The following TMPRSS7 variants were observed in gnomAD, a reference collection of about 807,000 sequenced individuals.
TMPRSS7 encodes the protein transmembrane serine protease 7.
TMPRSS7 carries 81 observed loss-of-function variants against 95.6 expected under a neutral mutation model. That is an observed-to-expected ratio of 0.85 (90% CI 0.71 to 1.02). TMPRSS7 has a LOEUF of 1.02. TMPRSS7 is among the 50% of genes least tolerant of loss of function. TMPRSS7 has a pLI of 0.00. For synonymous variants in TMPRSS7, 364 were observed against 337.8 expected, an observed-to-expected ratio of 1.08 and a Z score of -0.85; for missense variants, 945 against 955.2, an observed-to-expected ratio of 0.99 and a Z score of 0.14.
At chr3:112,049,459 C>T (rs765893076) in intron 7 of TMPRSS7, among the ~76,000 whole-genome samples, 13 of 152,156 alleles carry the variant, frequency 8.5e-5, no homozygotes, top group Non-Finnish European at 1.5e-4. Context: ...GAAACTGGTG[C>T]TTACAAAGAT....
intron 5 of TMPRSS7, 147 bp downstream of exon 5, chr3:112,046,090 CTA>C: frequency 2.8e-6 from 2 of 714,526 alleles, no homozygotes; most frequent in Non-Finnish European, 4.6e-6. Context: ...GACATTGGAG[CTA>C]TGTTAGTAAA....
At chr3:112,051,696 TCTATTAC>T (rs2073361240) in intron 9 of TMPRSS7, among the ~76,000 whole-genome samples, 1 of 136,086 alleles carries the variant, frequency 7.3e-6, no homozygotes, top group Non-Finnish European at 1.6e-5. Flanking sequence ...TCTATCTATC[TCTATTAC>T]CTATCTATCT....
chr3:112,078,639 A>T, intron 16 of TMPRSS7, 103 bp from the exon 17 acceptor site: 1 of 1,433,936 alleles, frequency 7.0e-7, no homozygotes, highest in Non-Finnish European at 9.6e-7. Flanking sequence ...AATTGCCGCT[A>T]TGAGGGTAAA....
exon 3 of TMPRSS7, chr3:112,041,933 C>T: frequency 6.5e-7 from 1 of 1,548,664 alleles, no homozygotes; most frequent in Non-Finnish European, 8.7e-7. Flanking sequence ...AAACAGAAAG[C>T]AAAGATGCTT....
At chr3:112,062,038 C>T (rs2073515075) in intron 11 of TMPRSS7, 115 bp downstream of exon 11, 5 of 548,898 alleles carry the variant, frequency 9.1e-6, no homozygotes, top group African/African-American at 2.0e-5. Context: ...CTGCTATTTC[C>T]TTTTACATAC....
At chr3:112,077,098 T>G in exon 16 of TMPRSS7, 1 of 1,614,056 alleles carries the variant, frequency 6.2e-7, no homozygotes, top group Non-Finnish European at 8.5e-7. Flanking sequence ...GAGTTCGCAG[T>G]GGGGAGAAGT....
intron 1 of TMPRSS7, among the ~76,000 whole-genome samples, chr3:112,036,459 T>C (rs2073150600): frequency 6.6e-6 from 1 of 151,952 alleles, no homozygotes; most frequent in South Asian, 2.1e-4. Flanking sequence ...TCCCAGCTAC[T>C]TGGGATGCTG....
At chr3:112,068,993 T>A (rs1026552550) in intron 13 of TMPRSS7, among the ~76,000 whole-genome samples, 2 of 152,222 alleles carry the variant, frequency 1.3e-5, no homozygotes, top group African/African-American at 4.8e-5. Context: ...TTGAAATACA[T>A]TCCATCAATA....
chr3:112,074,983 CACA>C (rs1199118549), intron 14 of TMPRSS7, among the ~76,000 whole-genome samples: 1 of 152,242 alleles, frequency 6.6e-6, no homozygotes, highest in African/African-American at 2.4e-5. Context: ...GTCACATCAG[CACA>C]ACTTCAAAGA....
chr3:112,050,881 AT>A, intron 9 of TMPRSS7, 98 bp downstream of exon 9: 3 of 591,160 alleles, frequency 5.1e-6, no homozygotes, highest in Non-Finnish European at 8.6e-6. Context: ...ATATTGCTTA[AT>A]TTTATAAAAT....
chr3:112,081,268 T>TAA (rs541464463), downstream of TMPRSS7: 158 of 223,200 alleles, frequency 7.1e-4, 1 homozygote, highest in African/African-American at 4.0e-3. Context: ...CTGTCTCTAC[T>TAA]GAAAAAAAAA....
chr3:112,041,825 T>G lies in TMPRSS7; in HGVS notation c.299-95T>G, dbSNP rs1272038863. The G allele has an allele frequency of 5.0e-6, 4 of 805,744 alleles. No individual in the cohort carries two copies. The African/African-American group carries it at 6.9e-5, about 14-fold the overall frequency. 49.9% of individuals were successfully genotyped at this position (805,744 alleles called of 1,614,324 possible). A position where few individuals can be genotyped will look rare whatever the true frequency, so the allele number is the denominator to read the frequency against. ...TAGTATGTAGCTGCCTAAAATAAAA[T>G]TATTTTAGGAGCCTCATACTGACAT... is the stretch of plus-strand genomic sequence containing the variant. On this transcript the variant is annotated intron_variant, in intron 2 of 17. Coordinates refer to ENST00000452346, the Ensembl canonical transcript of TMPRSS7.
chr3:112,046,957 G>A lies in TMPRSS7; in HGVS notation c.692-17G>A. On this transcript the variant is annotated splice_polypyrimidine_tract_variant and intron_variant, in intron 5 of 17. Coordinates refer to ENST00000452346, the Ensembl canonical transcript of TMPRSS7. Reference sequence around the variant, plus strand: ...ATGATAGGATTCAATCTCTTCTCATGTGCTTTTTCAATGCAGCTGGGCTTC... The same window carrying A: ...ATGATAGGATTCAATCTCTTCTCATATGCTTTTTCAATGCAGCTGGGCTTC... 2.8e-6 allele frequency: 2 copies of A among 702,574 alleles called. No individual in the cohort carries two copies. Among genetic ancestry groups the A allele is most frequent in the Non-Finnish European group, 5.2e-6 (2 of 384,830 alleles). 43.5% of individuals were successfully genotyped at this position (702,574 alleles called of 1,614,324 possible).
chr3:112,054,729 C>CTTT (rs1161735611), intron 9 of TMPRSS7, among the ~76,000 whole-genome samples: 4,695 of 48,830 alleles, frequency 0.096, 1,894 homozygotes, highest in South Asian at 0.14. Context: ...TCTCAGTTTG[C>CTTT]TTTTTTTTTT....
chr3:112,049,700 A>G (rs895263725), intron 7 of TMPRSS7, 144 bp from the exon 8 acceptor site: 22 of 583,178 alleles, frequency 3.8e-5, no homozygotes, highest in African/African-American at 3.6e-4. Flanking sequence ...CTAATGGATG[A>G]GGATCTGGCT....
intron 3 of TMPRSS7, among the ~76,000 whole-genome samples, chr3:112,044,035 T>A (rs927822975): frequency 6.6e-6 from 1 of 152,236 alleles, no homozygotes; most frequent in Admixed American, 6.5e-5. Context: ...TTTCACTGAT[T>A]TTTCACAGAT....
At chr3:112,066,530 G>A (rs1410738434) in intron 13 of TMPRSS7, 28 bp downstream of exon 13, 2 of 1,595,538 alleles carry the variant, frequency 1.3e-6, no homozygotes, top group Non-Finnish European at 1.7e-6. Flanking sequence ...GTGCCCTGCT[G>A]TTCCTCCTAT....
rs1399560177 is a variant in TMPRSS7, at chr3:112,038,061, T to G, written c.49-11T>G. 2.9e-6 allele frequency: 2 copies of G among 701,468 alleles called. No homozygotes were observed. The highest frequency in any genetic ancestry group is 2.6e-6 in the Non-Finnish European group (1 of 384,406). The allele number at this position is 701,468 out of a possible 1,614,324, so 43.5% of individuals were successfully genotyped here. ...CTACTTGGTAACATATCTTATTTCT[T>G]TTTTTTGAAGATATCCAATATCTCA... On this transcript the variant is annotated splice_polypyrimidine_tract_variant and intron_variant, in intron 1 of 17. Coordinates refer to ENST00000452346, the Ensembl canonical transcript of TMPRSS7.
At chr3:112,045,386 G>A (rs562731525) in intron 4 of TMPRSS7, among the ~76,000 whole-genome samples, 1 of 152,308 alleles carries the variant, frequency 6.6e-6, no homozygotes, top group Non-Finnish European at 1.5e-5. Context: ...GACCTCAGGT[G>A]ATCTGCCTGC....
Sources: gnomAD v4.1 joint callset for allele counts (sites outside exome capture counted in the v4.1 genomes callset) on GRCh38, gnomAD v4.1.1 for gene constraint, MANE v1.5 for transcripts, NCBI Gene and HGNC (gene_info 2026-07-23, HGNC 2026-07-21) for gene names.